Variants in ASL observed in about 807,000 individuals in gnomAD.
The protein encoded by ASL is argininosuccinate lyase, also known as argininosuccinase.
Under a neutral mutation model 69.1 loss-of-function variants are expected in ASL, and 51 were observed. That is an observed-to-expected ratio of 0.74 (90% CI 0.59 to 0.93). The LOEUF (loss-of-function observed/expected upper bound fraction) is 0.93. Among genes scored for constraint, ASL ranks in the 40% least tolerant of loss-of-function variants. The pLI is 0.00. For synonymous variants in ASL, 241 were observed against 247.6 expected (o/e 0.97, Z 0.25); for missense variants, 540 against 623.9 (o/e 0.87, Z 1.43).
intron 6 of ASL, among the ~76,000 whole-genome samples, chr7:66,083,694 G>T (rs160656): frequency 0.11 from 15,691 of 138,316 alleles, 979 homozygotes; most frequent in South Asian, 0.22. Flanking sequence ...CAAAAAAAAA[G>T]AAAAAAAAAA....
chr7:66,083,988 G>A (rs1046894976), intron 6 of ASL, among the ~76,000 whole-genome samples: 8 of 152,154 alleles, frequency 5.3e-5, no homozygotes, highest in Admixed American at 5.2e-4. Context: ...TCCATGTGTT[G>A]TCAGAGACCC....
At chr7:66,086,721 C>T (rs1176279673) in intron 7 of ASL, 23 bp from the exon 8 acceptor site, 2 of 1,610,058 alleles carry the variant, frequency 1.2e-6, no homozygotes, top group East Asian at 2.2e-5. Flanking sequence ...TGCCCTGACC[C>T]TCCTGCCCCT....
At chr7:66,087,517 C>T in intron 9 of ASL, 131 bp downstream of exon 9, 2 of 1,173,212 alleles carry the variant, frequency 1.7e-6, no homozygotes, top group Non-Finnish European at 2.5e-6. Flanking sequence ...CCTATGGGCA[C>T]TGAGGTCATC....
At chr7:66,081,512 A>G (rs1021980608) in intron 2 of ASL, among the ~76,000 whole-genome samples, 12 of 151,704 alleles carry the variant, frequency 7.9e-5, no homozygotes, top group African/African-American at 2.4e-4. Context: ...CCTGGGAGGC[A>G]GAGTTTGCAG....
Position 66,082,415 on chromosome 7 carries a change from T to TGAG in ASL, c.258_260dup (p.Glu86dup). On this transcript the variant is annotated inframe_insertion, in exon 4 of 17. Transcript: ENST00000304874. ...GCACCTTCAAACTGAACTCCAATGA[T>TGAG]GAGGACATCCACACAGCCAATGAGC... 1 of 1,612,316 alleles carries TGAG rather than the reference T, an allele frequency of 6.2e-7. No individual in the cohort carries two copies. The highest frequency in any genetic ancestry group is 8.5e-7 in the Non-Finnish European group (1 of 1,179,714).
rs1786909319 is a variant in ASL, at chr7:66,093,370, C to T, written c.*458C>T. 1 of 290,858 alleles carries T rather than the reference C, an allele frequency of 3.4e-6. No individual in the cohort carries two copies. Among genetic ancestry groups the T allele is most frequent in the Admixed American group, 4.6e-5 (1 of 21,956 alleles). 18.0% of individuals were successfully genotyped at this position (290,858 alleles called of 1,614,324 possible). On this transcript the variant is annotated 3_prime_UTR_variant, in exon 17 of 17. Transcript: ENST00000304874. ...GGAAGCGGAGAAAACTGGGCAAGGG[C>T]AATGAGAGTCGTAGACGGGAAGGGA...
rs1786544745 is a variant in ASL at position 66,082,763 on chromosome 7, GA to G, written c.292-116del. 1.6e-5 allele frequency: 20 copies of G among 1,250,034 alleles called. No individual in the cohort carries two copies. In the East Asian group the frequency reaches 4.9e-4, roughly 31 times the overall value. 77.4% of individuals were successfully genotyped at this position (1,250,034 alleles called of 1,614,324 possible). ...CAGAAATGGCGAGAGATTTGGGGAG[GA>G]CCCGGAGCCCTGGGGTATGGAGGTA... On this transcript the variant is annotated intron_variant, in intron 4 of 16. Transcript: ENST00000304874.
At chr7:66,085,707 A>G (rs913612986) in intron 6 of ASL, among the ~76,000 whole-genome samples, 1 of 151,374 alleles carries the variant, frequency 6.6e-6, no homozygotes, top group Non-Finnish European at 1.5e-5. Flanking sequence ...TCCTGGGTTC[A>G]TGCCATTCTC....
intron 6 of ASL, among the ~76,000 whole-genome samples, chr7:66,084,680 C>T (rs140863541): frequency 0.014 from 2,135 of 152,094 alleles, 24 homozygotes; most frequent in Non-Finnish European, 0.02. Context: ...AGTGCAGTGG[C>T]GTGATCTCCA....
At chr7:66,079,054 C>T (rs1350438461) in intron 2 of ASL, among the ~76,000 whole-genome samples, 1 of 152,058 alleles carries the variant, frequency 6.6e-6, no homozygotes, top group African/African-American at 2.4e-5. Flanking sequence ...GGACTACAGG[C>T]GCCCAACACC....
chr7:66,078,164 C>T (rs957555632), intron 2 of ASL, among the ~76,000 whole-genome samples: 2 of 152,258 alleles, frequency 1.3e-5, no homozygotes, highest in South Asian at 2.1e-4. Context: ...CCCAGGAGCC[C>T]GCTGGGGGAG....
chr7:66,092,743 G>C, intron 16 of ASL, 25 bp from the exon 17 acceptor site: 1 of 1,613,374 alleles, frequency 6.2e-7, no homozygotes, highest in Non-Finnish European at 8.5e-7. Context: ...CTGGCGCCCT[G>C]GCCCACCTCT....
rs543301670 is a variant in ASL at position 66,076,039 on chromosome 7, A to G, written c.-43A>G. 1.3e-5 allele frequency: 21 copies of G among 1,585,808 alleles called. No homozygotes were observed. In the African/African-American group the frequency reaches 2.6e-4, roughly 19 times the overall value. On this transcript the variant is annotated splice_region_variant and 5_prime_UTR_variant, in exon 2 of 17. Coordinates refer to ENST00000304874, the MANE Select transcript of ASL (RefSeq NM_000048.4). ...TCGTCAGTCCGGTCTTGTCTTCCAG[A>G]CCCGGAGGACCGAAGCTTCCGGACG...
At chr7:66,079,410 T>C (rs1364040712) in intron 2 of ASL, among the ~76,000 whole-genome samples, 1 of 152,020 alleles carries the variant, frequency 6.6e-6, no homozygotes, top group Admixed American at 6.6e-5. Flanking sequence ...TCCCCAGGTG[T>C]TCTGTACCCC....
In ASL at chr7:66,092,795, C is replaced by T. The variant is rs140770112; in HGVS notation, c.1278C>T (p.Cys426=). ...CCCTGTTCTCGGGCGACGTGATCTG[C>T]GTGTGGGACTACGGGCACAGTGTGG... ...ISPLFSGDVI[C]VWDYGHSVEQ... is the part of the protein sequence containing the mutation. Residue 426 remains cysteine (C), a synonymous_variant, in exon 17 of 17, where the codon TGC becomes TGT. Transcript: ENST00000304874. The T allele has an allele frequency of 1.3e-4, 216 of 1,613,894 alleles. 1 individual carries two copies. In the East Asian group the frequency reaches 4.3e-3, roughly 32 times the overall value.
chr7:66,078,744 C>T (rs1275672641), intron 2 of ASL, among the ~76,000 whole-genome samples: 1 of 151,864 alleles, frequency 6.6e-6, no homozygotes, highest in African/African-American at 2.4e-5. Context: ...AAGTGATTCT[C>T]CTGCTTCAGA....
chr7:66,093,092 G>A lies in ASL; in HGVS notation c.*180G>A. 1 of 959,738 alleles carries A rather than the reference G, an allele frequency of 1.0e-6. No individual in the cohort carries two copies. The highest frequency in any genetic ancestry group is 2.6e-5 in the East Asian group (1 of 37,832). 59.5% of individuals were successfully genotyped at this position (959,738 alleles called of 1,614,324 possible). On this transcript the variant is annotated 3_prime_UTR_variant, in exon 17 of 17. Transcript: ENST00000304874. Reference sequence around the variant, plus strand: ...AGCACTTTGGAAGGGCAAGGTGCGAGGATGCTTGAGGCCAGGAGTTTGACA... The same window carrying A: ...AGCACTTTGGAAGGGCAAGGTGCGAAGATGCTTGAGGCCAGGAGTTTGACA...
At chr7:66,087,463 A>G in intron 9 of ASL, 77 bp downstream of exon 9, 1 of 1,544,654 alleles carries the variant, frequency 6.5e-7, no homozygotes, top group Non-Finnish European at 8.8e-7. Context: ...ACCTGAAACC[A>G]GAGGGCAGGG....
Position 66,076,025 on chromosome 7 carries a change from G to T in ASL, c.-43-14G>T. 1 of 1,572,268 alleles carries T rather than the reference G, an allele frequency of 6.4e-7. No individual in the cohort carries two copies. Among genetic ancestry groups the T allele is most frequent in the East Asian group, 2.4e-5 (1 of 42,370 alleles). Reference sequence around the variant, plus strand: ...GCTGGCCAAGGAGGTCGTCAGTCCGGTCTTGTCTTCCAGACCCGGAGGACC... The same window carrying T: ...GCTGGCCAAGGAGGTCGTCAGTCCGTTCTTGTCTTCCAGACCCGGAGGACC... On this transcript the variant is annotated splice_polypyrimidine_tract_variant and intron_variant, in intron 1 of 16. Coordinates refer to ENST00000304874, the MANE Select transcript of ASL (RefSeq NM_000048.4).
Sources: allele counts gnomAD v4.1 joint callset (sites outside exome capture counted in the v4.1 genomes callset), GRCh38; gene constraint gnomAD v4.1.1; transcripts MANE v1.5; gene names NCBI Gene and HGNC (gene_info 2026-07-23, HGNC 2026-07-21).